NPRL3: variants seen among roughly 807,000 people sequenced by gnomAD.
NPRL3 encodes the protein GATOR1 complex protein NPRL3.
In NPRL3, 23 loss-of-function variants were observed where a neutral mutation model predicts 57.2. The ratio of observed to expected loss-of-function variants is 0.40; its 90% CI spans 0.29 to 0.57. The LOEUF is 0.57. Among genes scored for constraint, NPRL3 ranks in the 20% least tolerant of loss-of-function variants. The pLI, the probability that NPRL3 is intolerant of heterozygous loss-of-function variation, is 0.42. For missense variants in NPRL3, 691 were observed against 767.1 expected (o/e 0.90, Z 1.17); for synonymous variants, 333 against 321.1 (o/e 1.04, Z -0.39).
chr16:124,778 T>TC (rs1900440065), intron 3 of NPRL3, among the ~76,000 whole-genome samples: 1 of 152,112 alleles, frequency 6.6e-6, no homozygotes, highest in Non-Finnish European at 1.5e-5. Context: ...TAGAAACAGT[T>TC]TAGGAGTTTA....
intron 11 of NPRL3, among the ~76,000 whole-genome samples, chr16:92,199 C>A (rs889952069): frequency 2.6e-5 from 4 of 152,142 alleles, no homozygotes; most frequent in African/African-American, 7.2e-5. Flanking sequence ...GAGGGTCAGG[C>A]CTGGCCCAGT....
chr16:126,089 G>A (rs903627719), intron 3 of NPRL3: 3 of 152,248 alleles, frequency 2.0e-5, no homozygotes, highest in Non-Finnish European at 4.4e-5. Flanking sequence ...TAAAGGCAGA[G>A]CTGGTAGCTG....
In NPRL3 at chr16:93,278, G is replaced by T; in HGVS notation, c.972C>A (p.Ile324=). Residue 324 remains isoleucine, a synonymous_variant, in exon 10 of 14, where the codon ATC becomes ATA. Transcript: ENST00000611875. ...CGTTGTTCTCACACAGCGGGTAGAT[G>T]ATGATGGCCTTGCCCCAGTACACCA... The part of the protein sequence containing the change: ...AHLVYWGKAI[I]IYPLCENNVY... 1.9e-6 allele frequency: 3 copies of T among 1,561,370 alleles called. No homozygotes were observed. Among genetic ancestry groups the T allele is most frequent in the South Asian group, 1.2e-5 (1 of 84,526 alleles).
In NPRL3 at chr16:138,292, G is replaced by T; in HGVS notation, c.-25C>A. ...TCCCGCCGTGGGGCCGGGGCCGGGG[G>T]CGGAGGGGGCCAGAGGAGGACGGAG... On this transcript the variant is annotated 5_prime_UTR_variant, in exon 2 of 14. Transcript: ENST00000611875. 5.1e-6 allele frequency: 8 copies of T among 1,556,452 alleles called. No homozygotes were observed. The highest frequency in any genetic ancestry group is 6.1e-6 in the Non-Finnish European group (7 of 1,153,140).
chr16:87,450 T>G (rs1898530194), intron 13 of NPRL3, among the ~76,000 whole-genome samples: 1 of 151,928 alleles, frequency 6.6e-6, no homozygotes, highest in African/African-American at 2.4e-5. Context: ...TTGGCCAGGC[T>G]GGTCTCGAAC....
chr16:118,240 A>T (rs961764061), intron 4 of NPRL3, among the ~76,000 whole-genome samples: 13 of 152,190 alleles, frequency 8.5e-5, no homozygotes, highest in African/African-American at 3.1e-4. Context: ...GACCCTTCAG[A>T]ATCTTAGTAA....
intron 8 of NPRL3, among the ~76,000 whole-genome samples, chr16:99,959 C>CAA (rs11304941): frequency 2.7e-3 from 164 of 60,920 alleles, no homozygotes; most frequent in Non-Finnish European, 4.3e-3. Flanking sequence ...CACACCCCCG[C>CAA]AAAAAAAAAA....
At chr16:127,934 C>T (rs1232909477) in intron 3 of NPRL3, among the ~76,000 whole-genome samples, 1 of 151,946 alleles carries the variant, frequency 6.6e-6, no homozygotes, top group Non-Finnish European at 1.5e-5. Flanking sequence ...GGATTACAGG[C>T]TTGAGCCACT....
At chr16:137,045 T>TA (rs71391116) in intron 2 of NPRL3, among the ~76,000 whole-genome samples, 4,293 of 66,052 alleles carry the variant, frequency 0.065, 552 homozygotes, top group African/African-American at 0.22. Flanking sequence ...CCATCTCTAC[T>TA]AAAAAAAAAA....
In NPRL3 at chr16:129,678, A is replaced by G. The variant is rs58769323; in HGVS notation, c.188+844T>C. On this transcript the variant is annotated intron_variant, in intron 3 of 13. Transcript: ENST00000611875. ...CAATCAATCAATAAAATTTTTTTAA[A>G]AAGACTTGCAAATTGCCATGGCAGG... 9.3e-3 allele frequency among the ~76,000 whole-genome samples: 1,418 copies of G among 152,296 alleles called. 27 individuals are homozygous for G. Among genetic ancestry groups the G allele is most frequent in the African/African-American group, 0.028 (1,158 of 41,550 alleles).
In NPRL3 at chr16:88,871, G is replaced by A; in HGVS notation, c.1371C>T (p.Thr457=). ...FGSPTSSDDM[T]LTSPSMDNSS... ...AGTTGTCCATGCTGGGGCTGGTGAG[G>A]GTCATGTCATCGCTGCTGGCTGTGG... The change falls in exon 13 of 14, where the codon ACC becomes ACT. Residue 457 remains threonine (T), a synonymous_variant. Coordinates refer to ENST00000611875, the MANE Select transcript of NPRL3 (RefSeq NM_001077350.3). 5 of 1,612,114 alleles carry A rather than the reference G, an allele frequency of 3.1e-6. No individual in the cohort carries two copies. Among genetic ancestry groups the A allele is most frequent in the Non-Finnish European group, 4.2e-6 (5 of 1,178,414 alleles).
intron 2 of NPRL3, 84 bp from the exon 3 acceptor site, chr16:130,675 T>C (rs1276676493): frequency 3.5e-5 from 47 of 1,326,252 alleles, no homozygotes; most frequent in Non-Finnish European, 5.3e-6. Flanking sequence ...TTAACAGCCA[T>C]GTTTTCCAAA....
intron 5 of NPRL3, among the ~76,000 whole-genome samples, chr16:116,798 C>CA (rs1009813694): frequency 4.2e-5 from 6 of 142,078 alleles, no homozygotes; most frequent in African/African-American, 1.6e-4. Flanking sequence ...CCCCCCCCCC[C>CA]CACCGATCTC....
chr16:117,686 C>T (rs530782581), intron 4 of NPRL3, among the ~76,000 whole-genome samples: 2 of 152,346 alleles, frequency 1.3e-5, no homozygotes, highest in South Asian at 4.1e-4. Flanking sequence ...CCACTGCCTT[C>T]CCGTGCCCGC....
chr16:86,606 G>T lies in NPRL3; in HGVS notation c.*99C>A. The T allele has an allele frequency of 7.8e-7, 1 of 1,280,772 alleles. No individual in the cohort carries two copies. The highest frequency in any genetic ancestry group is 1.1e-6 in the Non-Finnish European group (1 of 940,586). The allele number at this position is 1,280,772 out of a possible 1,614,324, so 79.3% of individuals were successfully genotyped here. On this transcript the variant is annotated 3_prime_UTR_variant, in exon 14 of 14. Coordinates refer to ENST00000611875, the MANE Select transcript of NPRL3 (RefSeq NM_001077350.3). ...GCATCCACCCAATGCCAGGCCTCAG[G>T]GCCAAGAGGGCTCAGCCTCAGCACG...
In NPRL3 at chr16:103,296, ATTTTTTTTTTT is replaced by A. The variant is rs533871530; in HGVS notation, c.630-2798_630-2788del. ...GACGTGCAACATCACGCCTGGGGTG[ATTTTTTTTTTT>A]TTTTTTTTTTTTTTTTTTGTAGAGA... is the stretch of plus-strand genomic sequence containing the variant. On this transcript the variant is annotated intron_variant, in intron 7 of 13. Coordinates refer to ENST00000611875, the MANE Select transcript of NPRL3 (RefSeq NM_001077350.3). Among the ~76,000 whole-genome samples, 51 of 42,124 alleles carry A rather than the reference ATTTTTTTTTTT, an allele frequency of 1.2e-3. 2 individuals carry two copies. The highest frequency in any genetic ancestry group is 1.6e-3 in the African/African-American group (15 of 9,538). 27.6% of individuals were successfully genotyped at this position (42,124 alleles called of 152,430 possible). A position where few individuals can be genotyped will look rare whatever the true frequency, so the allele number is the denominator to read the frequency against.
Position 88,798 on chromosome 16 carries a change from T to A in NPRL3, c.1444A>T (p.Met482Leu). 6.2e-7 allele frequency: 1 copy of A among 1,613,676 alleles called. No individual in the cohort carries two copies. ...PSGDSPLNQR[M>L]TENLLASLSE... is the part of the protein sequence containing the mutation. ...AGGCTGGCCAGCAGGTTCTCCGTCA[T>A]CCTCTGGTTCAGTGGCGAGTCCCCG... The change falls in exon 13 of 14, where the codon ATG becomes TTG. Residue 482 changes from methionine to leucine, a missense_variant. Transcript: ENST00000611875.
chr16:110,041 C>T (rs547335894), intron 7 of NPRL3, among the ~76,000 whole-genome samples: 2 of 152,294 alleles, frequency 1.3e-5, no homozygotes, highest in Non-Finnish European at 2.9e-5. Flanking sequence ...TTTGGGAGGC[C>T]GAGGCGGGTG....
At chr16:127,732 G>A (rs1312639084) in intron 3 of NPRL3, among the ~76,000 whole-genome samples, 2 of 149,500 alleles carry the variant, frequency 1.3e-5, no homozygotes, top group Admixed American at 1.3e-4. Flanking sequence ...TTGGCTCACT[G>A]CAAGCTCCGC....
Sources: allele counts gnomAD v4.1 joint callset (sites outside exome capture counted in the v4.1 genomes callset), GRCh38; gene constraint gnomAD v4.1.1; transcripts MANE v1.5; gene names NCBI Gene and HGNC (gene_info 2026-07-23, HGNC 2026-07-21).